Variants in ECE2 observed in about 807,000 individuals in gnomAD.
ECE2 encodes endothelin-converting enzyme 2.
Under a neutral mutation model 100.6 loss-of-function variants are expected in ECE2, and 81 were observed. The observed-to-expected ratio is 0.81, with a 90% CI of 0.67 to 0.97. The LOEUF is 0.97. Ranked by LOEUF, ECE2 falls within the 50% of genes least tolerant of loss-of-function variation. The probability of loss-of-function intolerance (pLI) is 0.00; values close to 1 mark genes in which losing one functional copy is unlikely to be tolerated. For missense variants in ECE2, 911 were observed against 988.1 expected, an observed-to-expected ratio of 0.92 and a Z score of 1.05; for synonymous variants, 391 against 391.5, an observed-to-expected ratio of 1.00 and a Z score of 0.02.
At position 184,289,762 on chromosome 3, in the gene ECE2, G is replaced by A; in HGVS notation, c.1551+44G>A. 3.3e-6 allele frequency: 5 copies of A among 1,532,560 alleles called. No individual in the cohort carries two copies. The highest frequency in any genetic ancestry group is 1.9e-5 in the Admixed American group (1 of 51,890). The allele number at this position is 1,532,560 out of a possible 1,614,324, so 94.9% of individuals were successfully genotyped here. A position where few individuals can be genotyped will look rare whatever the true frequency, so the allele number is the denominator to read the frequency against. ...CAGTACTGAACTTCAGCCCTGTAGA[G>A]GGCACTGTTCCCTGGGCTTAGAAAT... On this transcript the variant is annotated intron_variant, in intron 13 of 18. Coordinates refer to ENST00000404464, the MANE Select transcript of ECE2 (RefSeq NM_001100121.2). The surrounding 1 kb of genome is among the most constrained non-coding windows in gnomAD (Gnocchi z 4.1).
chr3:184,276,761 T>G, intron 2 of ECE2, 131 bp from the exon 3 acceptor site: 1 of 1,557,274 alleles, frequency 6.4e-7, no homozygotes, highest in Non-Finnish European at 8.7e-7. Context: ...CTCAACTCAC[T>G]GGCTGGCCTC....
At chr3:184,277,496 C>T (rs774567464) in intron 4 of ECE2, 30 bp downstream of exon 4, 2 of 1,609,404 alleles carry the variant, frequency 1.2e-6, no homozygotes, top group South Asian at 2.2e-5. Flanking sequence ...AGGCCTTGGG[C>T]CACCTATGTG....
rs1412046081 is a variant in ECE2 at position 184,283,841 on chromosome 3, G to A, written c.873G>A (p.Arg291=). 3.1e-6 allele frequency: 5 copies of A among 1,613,754 alleles called. No individual in the cohort carries two copies. The highest frequency in any genetic ancestry group is 4.2e-6 in the Non-Finnish European group (5 of 1,179,972). The stretch of plus-strand genomic sequence containing the variant: ...AACTGGGGATGCTGCTGGGTGGGCG[G>A]CCCACCTCCACGAGGGAGCAGATGC... The part of the protein sequence containing the change: ...MEELGMLLGG[R]PTSTREQMQQ... Residue 291 remains arginine (R), a synonymous_variant, in exon 8 of 19, where the codon CGG becomes CGA. Coordinates refer to ENST00000404464, the MANE Select transcript of ECE2 (RefSeq NM_001100121.2).
chr3:184,289,573 G>A lies in ECE2; in HGVS notation c.1473+38G>A. 1.9e-6 allele frequency: 3 copies of A among 1,613,472 alleles called. No individual in the cohort carries two copies. Among genetic ancestry groups the A allele is most frequent in the Non-Finnish European group, 2.5e-6 (3 of 1,179,474 alleles). Reference sequence around the variant, plus strand: ...TAGGGTTGGGGCGCCATCTTGAGGTGGGGTTCAAGGATACAGTTTTGCTAG... The same window carrying A: ...TAGGGTTGGGGCGCCATCTTGAGGTAGGGTTCAAGGATACAGTTTTGCTAG... On this transcript the variant is annotated intron_variant, in intron 12 of 18. Transcript: ENST00000404464. The surrounding 1 kb of genome is among the most constrained non-coding windows in gnomAD (Gnocchi z 4.1).
At chr3:184,284,434 C>T (rs906534692) in intron 8 of ECE2, among the ~76,000 whole-genome samples, 11 of 150,434 alleles carry the variant, frequency 7.3e-5, no homozygotes, top group South Asian at 4.2e-4. Context: ...CCCAGCTACT[C>T]GGGAGGCTGA....
At chr3:184,279,309 C>CAAAAAAA (rs60647349) in intron 7 of ECE2, among the ~76,000 whole-genome samples, 1 of 79,150 alleles carries the variant, frequency 1.3e-5, no homozygotes, top group Non-Finnish European at 2.4e-5. Flanking sequence ...GACTCCGACT[C>CAAAAAAA]AAAAAAAAAA....
chr3:184,278,961 G>A (rs569589702), intron 7 of ECE2: 27 of 196,980 alleles, frequency 1.4e-4, no homozygotes, highest in Admixed American at 7.4e-4. Context: ...TGAAGAGATT[G>A]CATTTGAGCC....
At chr3:184,290,968 C>T in intron 16 of ECE2, 72 bp from the exon 17 acceptor site, 1 of 1,577,528 alleles carries the variant, frequency 6.3e-7, no homozygotes. Context: ...TGGACCAGGG[C>T]TGGTGGGGGC....
chr3:184,289,148 C>G lies in ECE2; in HGVS notation c.1375-289C>G, dbSNP rs1409733881. ...CCATCCTAGGTAACACAGCCAGACTCTGTCTCAAAAAAAAAAAAAAATCAT... is the reference window on the plus strand; with the variant it reads ...CCATCCTAGGTAACACAGCCAGACTGTGTCTCAAAAAAAAAAAAAAATCAT... On this transcript the variant is annotated intron_variant, in intron 11 of 18. Coordinates refer to ENST00000404464, the MANE Select transcript of ECE2 (RefSeq NM_001100121.2). The surrounding 1 kb of genome is among the most constrained non-coding windows in gnomAD (Gnocchi z 4.1). Among the ~76,000 whole-genome samples the G allele has an allele frequency of 6.8e-6, 1 of 147,548 alleles. No individual in the cohort carries two copies. Among genetic ancestry groups the G allele is most frequent in the African/African-American group, 2.5e-5 (1 of 39,798 alleles).
Position 184,291,420 on chromosome 3 carries a change from T to C in ECE2, c.2102T>C (p.Phe701Ser), listed in dbSNP as rs779456794. Residue 701 changes from phenylalanine (F) to serine (S), a missense_variant, in exon 18 of 19, where the codon TTC (phenylalanine) becomes TCC (serine). By Grantham distance (155) the Phe-to-Ser change is radical (BLOSUM62 -2). Transcript: ENST00000404464. This position sits in a 1 kb window ranked among gnomAD's most constrained non-coding sequence, Gnocchi z 4.1. ...GTGGGGCTCACCAACCACCAGCTCTTCTTCGTGGGATTTGCCCAGGTATCA... is the reference window on the plus strand; with the variant it reads ...GTGGGGCTCACCAACCACCAGCTCTCCTTCGTGGGATTTGCCCAGGTATCA... ...PAVGLTNHQL[F>S]FVGFAQVWCS... 4.4e-6 allele frequency: 7 copies of C among 1,597,428 alleles called. No individual in the cohort carries two copies. Among genetic ancestry groups the C allele is most frequent in the Non-Finnish European group, 6.0e-6 (7 of 1,171,706 alleles).
At chr3:184,276,409 G>T in intron 1 of ECE2, 72 bp from the exon 2 acceptor site, 1 of 1,539,958 alleles carries the variant, frequency 6.5e-7, no homozygotes, top group Non-Finnish European at 8.8e-7. Context: ...GAGGCAGGGA[G>T]CACTGGGGCA....
rs2108432546 is a variant in ECE2 at position 184,289,845 on chromosome 3, G to A, written c.1551+127G>A. 1.2e-6 allele frequency: 1 copy of A among 805,770 alleles called. No individual in the cohort carries two copies. Among genetic ancestry groups the A allele is most frequent in the African/African-American group, 1.7e-5 (1 of 58,090 alleles). The allele number at this position is 805,770 out of a possible 1,614,324, so 49.9% of individuals were successfully genotyped here. A position where few individuals can be genotyped will look rare whatever the true frequency, so the allele number is the denominator to read the frequency against. On this transcript the variant is annotated intron_variant, in intron 13 of 18. Coordinates refer to ENST00000404464, the MANE Select transcript of ECE2 (RefSeq NM_001100121.2). The surrounding 1 kb of genome is among the most constrained non-coding windows in gnomAD (Gnocchi z 4.1). ...CGGTTTCTTTTAGAGGCAGATGGAGGTAACCAGCATTGTTAAAATGTTGGC... is the reference window on the plus strand; with the variant it reads ...CGGTTTCTTTTAGAGGCAGATGGAGATAACCAGCATTGTTAAAATGTTGGC...
chr3:184,277,896 C>T, intron 4 of ECE2, 29 bp from the exon 5 acceptor site: 2 of 1,607,504 alleles, frequency 1.2e-6, no homozygotes, highest in Non-Finnish European at 1.7e-6. Flanking sequence ...AACGTAATTG[C>T]CACCTGGATC....
intron 11 of ECE2, among the ~76,000 whole-genome samples, 160 bp downstream of exon 11, chr3:184,288,107 G>A (rs995088735): frequency 1.3e-5 from 2 of 151,902 alleles, no homozygotes; most frequent in Admixed American, 6.6e-5. Context: ...TCAGGAGTTC[G>A]AGACCAGCCT....
At chr3:184,286,604 A>G (rs936862784) in intron 10 of ECE2, among the ~76,000 whole-genome samples, 3 of 151,856 alleles carry the variant, frequency 2.0e-5, no homozygotes, top group Non-Finnish European at 4.4e-5. Flanking sequence ...GGAGTTCAAG[A>G]CCAGCCTTGC....
In ECE2 at chr3:184,276,032, G is replaced by C. The variant is rs1366725108; in HGVS notation, c.-122G>C. 2.8e-6 allele frequency: 3 copies of C among 1,090,222 alleles called. No individual in the cohort carries two copies. Among genetic ancestry groups the C allele is most frequent in the South Asian group, 8.7e-5 (2 of 22,860 alleles). 67.5% of individuals were successfully genotyped at this position (1,090,222 alleles called of 1,614,324 possible). On this transcript the variant is annotated 5_prime_UTR_variant, in exon 1 of 19. Transcript: ENST00000404464. ...GGGGGGGGGGCGGCCGCGGCCGAGC[G>C]GGGGTGCTGCGCGGCGGCCGTGATG...
intron 7 of ECE2, among the ~76,000 whole-genome samples, chr3:184,282,456 G>A (rs1272722142): frequency 6.6e-6 from 1 of 152,198 alleles, no homozygotes; most frequent in East Asian, 1.9e-4. Flanking sequence ...GAGGGTTAAG[G>A]GAATTGGCAC....
intron 8 of ECE2, 144 bp downstream of exon 8, chr3:184,284,117 TGTCCTGGGG>T: frequency 9.7e-7 from 1 of 1,030,846 alleles, no homozygotes; most frequent in Admixed American, 2.6e-5. Flanking sequence ...GCACTGCTGC[TGTCCTGGGG>T]AAAAAAATGG....
chr3:184,278,802 G>C lies in ECE2; in HGVS notation c.816+245G>C, dbSNP rs1170958099. On this transcript the variant is annotated intron_variant, in intron 7 of 18. Coordinates refer to ENST00000404464, the MANE Select transcript of ECE2 (RefSeq NM_001100121.2). ...AGACACCTACTGTGTGCCAGGTCCA[G>C]TGGGGGAATTCTGAGATATAAGTTT... 24 of 547,402 alleles carry C rather than the reference G, an allele frequency of 4.4e-5. No homozygotes were observed. In the East Asian group the frequency reaches 7.0e-4, roughly 16 times the overall value. The allele number at this position is 547,402 out of a possible 1,614,324, so 33.9% of individuals were successfully genotyped here. A position where few individuals can be genotyped will look rare whatever the true frequency, so the allele number is the denominator to read the frequency against.
Sources: gnomAD v4.1 joint callset for allele counts (sites outside exome capture counted in the v4.1 genomes callset) on GRCh38, gnomAD v4.1.1 for gene constraint, Gnocchi (gnomAD v3.1) non-coding constraint, MANE v1.5 for transcripts, NCBI Gene and HGNC (gene_info 2026-07-23, HGNC 2026-07-21) for gene names.